PLCH2: variants seen among roughly 807,000 people sequenced by gnomAD.
PLCH2 encodes 1-phosphatidylinositol 4,5-bisphosphate phosphodiesterase eta-2.
Under a neutral mutation model 134.7 loss-of-function variants are expected in PLCH2, and 98 were observed. The ratio of observed to expected loss-of-function variants is 0.73; its 90% CI spans 0.62 to 0.86. The LOEUF (loss-of-function observed/expected upper bound fraction) is 0.86. Among genes scored for constraint, PLCH2 ranks in the 40% least tolerant of loss-of-function variants. The probability of loss-of-function intolerance (pLI) is 0.00; values close to 1 mark genes in which losing one functional copy is unlikely to be tolerated. For missense variants in PLCH2, 1,994 were observed against 1,986.6 expected, an observed-to-expected ratio of 1.00 and a Z score of -0.07; for synonymous variants, 974 against 827.5, an observed-to-expected ratio of 1.18 and a Z score of -3.04.
intron 2 of PLCH2, among the ~76,000 whole-genome samples, chr1:2,452,637 C>T (rs1356780421): frequency 6.6e-6 from 1 of 152,220 alleles, no homozygotes; most frequent in African/African-American, 2.4e-5. Context: ...AGCAGATGGG[C>T]CCAGGGAGGG....
chr1:2,425,119 C>T (rs1399185356), upstream of PLCH2, among the ~76,000 whole-genome samples: 3 of 149,886 alleles, frequency 2.0e-5, no homozygotes, highest in Non-Finnish European at 3.0e-5. Context: ...GCGGAGATCG[C>T]GCCACCGCAC....
At position 2,498,672 on chromosome 1, in the gene PLCH2, G is replaced by A. The variant is rs1271980573; in HGVS notation, c.2349+25G>A. On this transcript the variant is annotated intron_variant, in intron 17 of 21. Transcript: ENST00000378486. The surrounding 1 kb of genome is among the most constrained non-coding windows in gnomAD (Gnocchi z 5.4). Reference sequence around the variant, plus strand: ...GGTGGGGGCCAGCCCCACACAGGCGGGAGGGGTGGGAGTTGGGGGCGGGCC... The same window carrying A: ...GGTGGGGGCCAGCCCCACACAGGCGAGAGGGGTGGGAGTTGGGGGCGGGCC... 4 of 1,514,746 alleles carry A rather than the reference G, an allele frequency of 2.6e-6. No homozygotes were observed. In the African/African-American group the frequency reaches 4.1e-5, roughly 15 times the overall value. 93.8% of individuals were successfully genotyped at this position (1,514,746 alleles called of 1,614,324 possible). A position where few individuals can be genotyped will look rare whatever the true frequency, so the allele number is the denominator to read the frequency against.
At chr1:2,440,340 G>C (rs1639630636) in intron 2 of PLCH2, among the ~76,000 whole-genome samples, 1 of 152,162 alleles carries the variant, frequency 6.6e-6, no homozygotes, top group African/African-American at 2.4e-5. Flanking sequence ...GCCCCCAGGA[G>C]CACCCGGCCA....
In PLCH2 at chr1:2,439,825, C is replaced by CA. The variant is rs1639605435; in HGVS notation, c.115+9197dup. ...GGCATTGCCTGAGAGACACCGCAGC[C>CA]AGGCCTGGCTGGAGTGTTCGAGGGC... is the stretch of plus-strand genomic sequence containing the variant. On this transcript the variant is annotated intron_variant, in intron 2 of 3. Transcript: ENST00000609981. The surrounding 1 kb of genome is among the most constrained non-coding windows in gnomAD (Gnocchi z 4.7). Among the ~76,000 whole-genome samples the CA allele has an allele frequency of 2.0e-5, 3 of 152,250 alleles. No individual in the cohort carries two copies. The South Asian group carries it at 6.2e-4, about 32-fold the overall frequency.
chr1:2,462,969 G>A (rs1031891668), upstream of PLCH2, among the ~76,000 whole-genome samples: 1 of 152,202 alleles, frequency 6.6e-6, no homozygotes, highest in Non-Finnish European at 1.5e-5. Flanking sequence ...AAAGCAACAC[G>A]GAATTCGCTT....
intron 20 of PLCH2, chr1:2,500,038 C>T (rs1643130302): frequency 2.1e-6 from 1 of 480,986 alleles, no homozygotes. Context: ...AGCCTCCACC[C>T]CTACAGTGCT....
At chr1:2,425,957 CG>C (rs1162014173), upstream of PLCH2, 3 of 152,274 alleles carry the variant, frequency 2.0e-5, no homozygotes, top group Non-Finnish European at 4.4e-5. Flanking sequence ...CCCCGTCGCT[CG>C]AGAGCCTCCT....
chr1:2,472,396 C>T (rs1031567403), upstream of PLCH2, among the ~76,000 whole-genome samples: 17 of 152,338 alleles, frequency 1.1e-4, no homozygotes, highest in South Asian at 4.1e-4. Context: ...CATGCTGGGC[C>T]GGCCCTTGGG....
intron 2 of PLCH2, among the ~76,000 whole-genome samples, chr1:2,431,354 C>T (rs1639062735): frequency 6.6e-6 from 1 of 152,078 alleles, no homozygotes; most frequent in Non-Finnish European, 1.5e-5. Context: ...TGTGCTCATG[C>T]TCTGTGCATG....
chr1:2,505,211 T>A lies in PLCH2; in HGVS notation c.4249T>A (p.Ter1417ArgextTer99). 1 of 1,567,104 alleles carries A rather than the reference T, an allele frequency of 6.4e-7. No homozygotes were observed. The change falls in exon 22 of 22, where the codon TGA becomes AGA. Residue 1417 changes from the stop codon to arginine, a stop_lost. Transcript: ENST00000378486. ...AAENLVLLRL[*>R] is the part of the protein sequence containing the mutation. ...TGAAAACCTGGTCCTGCTCCGCCTC[T>A]GACCGTCAGTGGTGGGAACCTGGGC...
At chr1:2,465,603 C>T (rs1236590929), upstream of PLCH2, among the ~76,000 whole-genome samples, 2 of 152,202 alleles carry the variant, frequency 1.3e-5, no homozygotes, top group South Asian at 2.1e-4. Flanking sequence ...ACCTGCCACC[C>T]GCCGGGCCAA....
intron 20 of PLCH2, chr1:2,500,529 C>T (rs1643160902): frequency 6.6e-6 from 1 of 152,432 alleles, no homozygotes; most frequent in Admixed American, 6.5e-5. Flanking sequence ...CCACAGCCTA[C>T]TTTTAGAAGT....
the PLCH2 span, among the ~76,000 whole-genome samples, chr1:2,416,602 G>A: frequency 2.0e-5 from 3 of 152,214 alleles, no homozygotes; most frequent in African/African-American, 7.2e-5. Flanking sequence ...AGTGAGCCCT[G>A]GGTGGGCACA....
At chr1:2,464,877 C>T (rs561714956), upstream of PLCH2, among the ~76,000 whole-genome samples, 297 of 152,290 alleles carry the variant, frequency 2.0e-3, no homozygotes, top group African/African-American at 4.0e-3. Context: ...GGCTCACGGC[C>T]AGCTCTCAGT....
upstream of PLCH2, among the ~76,000 whole-genome samples, chr1:2,464,924 G>A (rs961281909): frequency 5.9e-5 from 9 of 152,208 alleles, no homozygotes; most frequent in East Asian, 1.9e-4. Flanking sequence ...CCTCAGGCTC[G>A]GCTCTGCAGG....
rs745899371 is a variant in PLCH2, at chr1:2,496,877, G to T, written c.1983G>T (p.Gln661His). Reference protein sequence around the residue: ...VSSFSETKAHQILQQKPAQYL... With the variant: ...VSSFSETKAHHILQQKPAQYL... ...CCTTCAGCGAGACCAAGGCCCACCA[G>T]ATTCTGCAGCAGAAGCCGGCGCAGT... is the stretch of plus-strand genomic sequence containing the variant. Residue 661 changes from glutamine (Q) to histidine (H), a missense_variant, in exon 15 of 22, where the codon CAG (glutamine) becomes CAT (histidine). By Grantham distance (24) the Gln-to-His change is conservative (BLOSUM62 0). Around this residue, in one of 2 missense-constraint regions of PLCH2, gnomAD observed 1,094 missense variants for 1,234.3 expected, o/e 0.89. Transcript: ENST00000378486. The T allele has an allele frequency of 6.2e-7, 1 of 1,613,010 alleles. No homozygotes were observed. Among genetic ancestry groups the T allele is most frequent in the East Asian group, 2.2e-5 (1 of 44,882 alleles).
At chr1:2,442,823 G>A (rs1021875856) in intron 2 of PLCH2, among the ~76,000 whole-genome samples, 1 of 152,212 alleles carries the variant, frequency 6.6e-6, no homozygotes, top group African/African-American at 2.4e-5. Context: ...TCTTGGCTCT[G>A]TGGCCAAGGC....
chr1:2,497,871 A>G, intron 16 of PLCH2: 1 of 451,378 alleles, frequency 2.2e-6, no homozygotes. Flanking sequence ...TGGGCCCCAC[A>G]TGAGATTCAT....
upstream of PLCH2, among the ~76,000 whole-genome samples, chr1:2,462,668 G>A (rs757864481): frequency 2.6e-5 from 4 of 152,138 alleles, no homozygotes; most frequent in Non-Finnish European, 4.4e-5. Context: ...CCCCAGAACC[G>A]AGCTCTGGGC....
Sources: gnomAD v4.1 joint callset for allele counts (sites outside exome capture counted in the v4.1 genomes callset) on GRCh38, gnomAD v4.1.1 for gene constraint, gnomAD v4.1.1 regional missense constraint, Gnocchi (gnomAD v3.1) non-coding constraint, MANE v1.5 for transcripts, NCBI Gene and HGNC (gene_info 2026-07-23, HGNC 2026-07-21) for gene names.